Variants in CATSPERT observed in about 807,000 individuals in gnomAD.
The protein encoded by CATSPERT is cation channel sperm-associated targeting subunit tau.
At chr2:201,576,053 A>C in the CATSPERT span, among the ~76,000 whole-genome samples, 2 of 152,204 alleles carry the variant, frequency 1.3e-5, no homozygotes, top group African/African-American at 4.8e-5. Context: ...ATGTATTTTT[A>C]TTATGTTGTA....
the CATSPERT span, chr2:201,535,548 TAAA>T: frequency 2.0e-6 from 2 of 978,232 alleles, no homozygotes; most frequent in Non-Finnish European, 1.2e-6. Flanking sequence ...CTCAGGCTTT[TAAA>T]TTTCCTTTGA....
the CATSPERT span, among the ~76,000 whole-genome samples, chr2:201,588,858 C>T: frequency 6.6e-6 from 1 of 152,090 alleles, no homozygotes; most frequent in East Asian, 1.9e-4. Flanking sequence ...ATCTACAAAA[C>T]CCCATAGTCT....
the CATSPERT span, among the ~76,000 whole-genome samples, chr2:201,517,132 C>T: frequency 6.6e-6 from 1 of 151,996 alleles, no homozygotes; most frequent in Non-Finnish European, 1.5e-5. Context: ...TGAAGTTCCC[C>T]AATGTACTGG....
the CATSPERT span, among the ~76,000 whole-genome samples, chr2:201,615,566 A>G: frequency 0.87 from 132,950 of 152,214 alleles, 59,168 homozygotes; most frequent in South Asian, 0.98. Context: ...AGCGTGTAGA[A>G]GGAAATTTAT....
the CATSPERT span, among the ~76,000 whole-genome samples, chr2:201,599,502 G>A: frequency 6.6e-6 from 1 of 152,068 alleles, no homozygotes; most frequent in Non-Finnish European, 1.5e-5. Context: ...TAGATTGTTA[G>A]TGTTTATATT....
chr2:201,564,609 A>G, the CATSPERT span, among the ~76,000 whole-genome samples: 1 of 152,150 alleles, frequency 6.6e-6, no homozygotes, highest in Non-Finnish European at 1.5e-5. Flanking sequence ...TTTGGGAGGT[A>G]ACTGGGTCAT....
chr2:201,594,979 G>A, the CATSPERT span, among the ~76,000 whole-genome samples: 10 of 152,166 alleles, frequency 6.6e-5, no homozygotes, highest in South Asian at 2.1e-4. Flanking sequence ...CTCTCAGCTC[G>A]TCAAAGTCAT....
chr2:201,574,826 G>C, the CATSPERT span, among the ~76,000 whole-genome samples: 2 of 151,990 alleles, frequency 1.3e-5, no homozygotes. Context: ...TGAATAGAAA[G>C]ATCAATTAAT....
At chr2:201,553,521 G>C in the CATSPERT span, 1 of 151,800 alleles carries the variant, frequency 6.6e-6, no homozygotes, top group Admixed American at 6.6e-5. Flanking sequence ...CACCATTTTG[G>C]TTTTCAAAAC....
At chr2:201,564,960 A>G in the CATSPERT span, among the ~76,000 whole-genome samples, 3 of 152,220 alleles carry the variant, frequency 2.0e-5, no homozygotes, top group African/African-American at 7.2e-5. Context: ...GGGAAATTCC[A>G]TAGTCGAGAA....
At chr2:201,534,586 T>C in the CATSPERT span, 5 of 983,384 alleles carry the variant, frequency 5.1e-6, no homozygotes, top group East Asian at 2.3e-4. Flanking sequence ...TGTCTACTCA[T>C]AGCAGGGAAA....
the CATSPERT span, among the ~76,000 whole-genome samples, chr2:201,502,571 C>CAAA: frequency 2.1e-5 from 2 of 94,994 alleles, no homozygotes; most frequent in African/African-American, 4.2e-5. Flanking sequence ...GACTCCATCT[C>CAAA]AAAAAAAAAA....
chr2:201,609,975 A>G, the CATSPERT span, among the ~76,000 whole-genome samples: 1 of 152,220 alleles, frequency 6.6e-6, no homozygotes, highest in Non-Finnish European at 1.5e-5. Flanking sequence ...GAAAAAGGAA[A>G]TATAACTATG....
the CATSPERT span, chr2:201,601,739 C>T: frequency 6.2e-7 from 1 of 1,610,008 alleles, no homozygotes; most frequent in Non-Finnish European, 8.5e-7. Flanking sequence ...TTAACATTAC[C>T]TGTACAGAAA....
At chr2:201,494,589 T>C in the CATSPERT span, 1 of 1,537,306 alleles carries the variant, frequency 6.5e-7, no homozygotes, top group Non-Finnish European at 8.7e-7. Context: ...TAGCAGGTCC[T>C]GCAGTTTTTG....
the CATSPERT span, chr2:201,618,977 G>C: frequency 1.9e-6 from 3 of 1,614,004 alleles, no homozygotes; most frequent in Non-Finnish European, 2.5e-6. Context: ...AGGGCGTAAG[G>C]GACCGAAGAA....
the CATSPERT span, among the ~76,000 whole-genome samples, chr2:201,587,869 A>G: frequency 1.3e-5 from 2 of 152,104 alleles, no homozygotes; most frequent in African/African-American, 4.8e-5. Flanking sequence ...TATGAACACC[A>G]CTATGCAAAT....
At chr2:201,515,268 T>A in the CATSPERT span, among the ~76,000 whole-genome samples, 1 of 120,266 alleles carries the variant, frequency 8.3e-6, no homozygotes, top group African/African-American at 3.2e-5. Flanking sequence ...AGAGTCTTGC[T>A]CTGTTGCCCA....
the CATSPERT span, among the ~76,000 whole-genome samples, chr2:201,500,458 G>A: frequency 6.6e-6 from 1 of 152,140 alleles, no homozygotes; most frequent in African/African-American, 2.4e-5. Flanking sequence ...AGGTTGCAGT[G>A]AGCCAAGATT....
Sources: allele counts gnomAD v4.1 joint callset (sites outside exome capture counted in the v4.1 genomes callset), GRCh38; gene constraint gnomAD v4.1.1; transcripts MANE v1.5; gene names NCBI Gene and HGNC (gene_info 2026-07-23, HGNC 2026-07-21).